RNF145: variants seen among roughly 807,000 people sequenced by gnomAD.
RNF145 encodes the protein ring finger protein 145.
A neutral mutation model predicts 57.3 loss-of-function variants in RNF145; 12 were observed. The observed-to-expected ratio is 0.21, with a 90% confidence interval of 0.13 to 0.34. The LOEUF (loss-of-function observed/expected upper bound fraction) is 0.34, where lower values mean the gene tolerates loss of function less well. Ranked by LOEUF, RNF145 falls within the 10% of genes least tolerant of loss-of-function variation. The probability of loss-of-function intolerance (pLI) is 1.00; values close to 1 mark genes in which losing one functional copy is unlikely to be tolerated. For missense variants in RNF145, 429 were observed against 799.0 expected, an observed-to-expected ratio of 0.54 and a Z score of 5.58; for synonymous variants, 262 against 288.3, an observed-to-expected ratio of 0.91 and a Z score of 0.92.
intron 1 of RNF145, among the ~76,000 whole-genome samples, chr5:159,204,013 T>C (rs1419006827): frequency 1.3e-5 from 2 of 152,198 alleles, no homozygotes; most frequent in Non-Finnish European, 2.9e-5. Context: ...AAACTATGAT[T>C]TATGTAGCTC....
At chr5:159,171,921 T>C (rs1784572854) in intron 6 of RNF145, among the ~76,000 whole-genome samples, 1 of 152,104 alleles carries the variant, frequency 6.6e-6, no homozygotes, top group African/African-American at 2.4e-5. Context: ...TGGCGAGGCA[T>C]AGAAAAAGAA....
intron 10 of RNF145, 47 bp from the exon 11 acceptor site, chr5:159,159,082 T>C (rs1337754684): frequency 1.3e-6 from 2 of 1,542,940 alleles, no homozygotes; most frequent in African/African-American, 2.7e-5. Context: ...TGTTTTCTAG[T>C]ATCTTTGGTG....
intron 5 of RNF145, among the ~76,000 whole-genome samples, chr5:159,176,379 T>TA (rs2113137154): frequency 6.6e-6 from 1 of 152,226 alleles, no homozygotes; most frequent in South Asian, 2.1e-4. Flanking sequence ...GTTACACAGC[T>TA]AGTGAACAGC....
At chr5:159,194,920 G>A in intron 2 of RNF145, 96 bp from the exon 3 acceptor site, 1 of 844,008 alleles carries the variant, frequency 1.2e-6, no homozygotes, top group Non-Finnish European at 1.8e-6. Context: ...TTCCAAATAG[G>A]TTTCAGTACT....
At chr5:159,197,898 A>G (rs971861962) in intron 2 of RNF145, among the ~76,000 whole-genome samples, 4 of 152,150 alleles carry the variant, frequency 2.6e-5, no homozygotes, top group Non-Finnish European at 5.9e-5. Context: ...TCAAGGTTAC[A>G]GTGAGGTTAT....
At chr5:159,196,407 A>G (rs1354119806) in intron 2 of RNF145, among the ~76,000 whole-genome samples, 1 of 152,132 alleles carries the variant, frequency 6.6e-6, no homozygotes, top group Non-Finnish European at 1.5e-5. Context: ...TTACTTGACA[A>G]TTCTCCTGCT....
chr5:159,169,181 A>T (rs992750077), intron 7 of RNF145, 126 bp from the exon 8 acceptor site: 2 of 700,042 alleles, frequency 2.9e-6, no homozygotes, highest in Non-Finnish European at 4.5e-6. Context: ...CTTAATCCAG[A>T]CTAAAAACCT....
intron 4 of RNF145, among the ~76,000 whole-genome samples, chr5:159,180,873 T>C (rs890390880): frequency 1.3e-5 from 2 of 151,996 alleles, no homozygotes; most frequent in Non-Finnish European, 2.9e-5. Flanking sequence ...TTGGACAATG[T>C]AGTTTTAGAT....
At chr5:159,204,431 C>A (rs1328887940) in intron 1 of RNF145, among the ~76,000 whole-genome samples, 1 of 151,906 alleles carries the variant, frequency 6.6e-6, no homozygotes, top group Non-Finnish European at 1.5e-5. Context: ...GTTATCAGGA[C>A]AATTTACTAT....
At chr5:159,189,845 T>C (rs1361495422) in intron 3 of RNF145, among the ~76,000 whole-genome samples, 1 of 152,120 alleles carries the variant, frequency 6.6e-6, no homozygotes, top group Non-Finnish European at 1.5e-5. Flanking sequence ...ATATAAAATA[T>C]CCAGAACAGG....
chr5:159,186,394 C>T (rs1393191267), intron 3 of RNF145, among the ~76,000 whole-genome samples: 1 of 152,176 alleles, frequency 6.6e-6, no homozygotes, highest in African/African-American at 2.4e-5. Flanking sequence ...ACAGTCTCTT[C>T]AGCGACCTGA....
At chr5:159,168,138 T>C (rs949679737) in intron 8 of RNF145, among the ~76,000 whole-genome samples, 2 of 152,156 alleles carry the variant, frequency 1.3e-5, no homozygotes, top group African/African-American at 4.8e-5. Context: ...ATAGTTTGGC[T>C]TTTATCCCTC....
chr5:159,168,764 T>C (rs1378564034), intron 8 of RNF145, 109 bp downstream of exon 8: 5 of 607,528 alleles, frequency 8.2e-6, no homozygotes, highest in Non-Finnish European at 1.3e-5. Context: ...CTAATACCAA[T>C]TACCCATATC....
intron 6 of RNF145, among the ~76,000 whole-genome samples, chr5:159,171,810 G>C (rs1187281998): frequency 6.6e-6 from 1 of 151,990 alleles, no homozygotes; most frequent in Admixed American, 6.6e-5. Flanking sequence ...GATAAGAACA[G>C]AGAATAACTC....
chr5:159,176,850 T>C lies in RNF145; in HGVS notation c.403A>G (p.Thr135Ala). 6.2e-7 allele frequency: 1 copy of C among 1,609,310 alleles called. No individual in the cohort carries two copies. The highest frequency in any genetic ancestry group is 1.1e-5 in the South Asian group (1 of 90,644). The change falls in exon 5 of 11, where the codon ACT (threonine) becomes GCT (alanine). Residue 135 changes from threonine (T) to alanine (A), a missense_variant. Physicochemically the swap from Thr to Ala is moderately conservative, Grantham distance 58 (BLOSUM62 0). Around this residue, in one of 4 missense-constraint regions of RNF145, gnomAD observed 109 missense variants for 207.2 expected, o/e 0.53. Transcript: ENST00000424310. ...TALIGQLVVCTLCSCVMKTKQ... is the reference protein window; with the variant it reads ...TALIGQLVVCALCSCVMKTKQ... ...GTTTTCATGACACAGGAGCATAAAG[T>C]ACACACCACCAACTGACCTAAAATA...
intron 4 of RNF145, among the ~76,000 whole-genome samples, 174 bp downstream of exon 4, chr5:159,181,786 G>A (rs1031008654): frequency 2.0e-5 from 3 of 151,116 alleles, no homozygotes; most frequent in African/African-American, 7.3e-5. Context: ...TCTATACATG[G>A]GGAAAAGAAG....
chr5:159,173,936 TTC>T, intron 6 of RNF145, 45 bp downstream of exon 6: 2 of 1,292,240 alleles, frequency 1.5e-6, no homozygotes, highest in Non-Finnish European at 2.1e-6. Flanking sequence ...GATCAAAGTT[TTC>T]TCTTTCTAAG....
At position 159,209,504 on chromosome 5, in the gene RNF145, T is replaced by TCGGCGGCGGGGGCGG. The variant is rs757214239; in HGVS notation, c.-314_-313insCCGCCCCCGCCGCCG. 1.1e-6 allele frequency: 1 copy of TCGGCGGCGGGGGCGG among 944,594 alleles called. No individual in the cohort carries two copies. Among genetic ancestry groups the TCGGCGGCGGGGGCGG allele is most frequent in the Non-Finnish European group, 1.3e-6 (1 of 794,304 alleles). 58.5% of individuals were successfully genotyped at this position (944,594 alleles called of 1,614,324 possible). A position where few individuals can be genotyped will look rare whatever the true frequency, so the allele number is the denominator to read the frequency against. ...AGCCCCTTAGCAGCCGGCGCCGGCG[T>TCGGCGGCGGGGGCGG]CGGCGGCCATGGCCTCCTGCGTTTG... On this transcript the variant is annotated 5_prime_UTR_variant, in exon 1 of 11. Transcript: ENST00000424310.
intron 4 of RNF145, among the ~76,000 whole-genome samples, chr5:159,177,998 T>C (rs886793242): frequency 2.2e-4 from 33 of 152,158 alleles, no homozygotes; most frequent in African/African-American, 6.7e-4. Flanking sequence ...AGTCACATGA[T>C]TGCATTTTTC....
Sources: allele counts gnomAD v4.1 joint callset (sites outside exome capture counted in the v4.1 genomes callset), GRCh38; gene constraint gnomAD v4.1.1; regional missense constraint gnomAD v4.1.1; transcripts MANE v1.5; gene names NCBI Gene and HGNC (gene_info 2026-07-23, HGNC 2026-07-21).